The following PPRC1 variants were observed in gnomAD, a reference collection of about 807,000 sequenced individuals.
The protein encoded by PPRC1 is PPARG related coactivator 1.
A neutral mutation model predicts 132.5 loss-of-function variants in PPRC1; 23 were observed. That is an observed-to-expected ratio of 0.17 (90% confidence interval 0.12 to 0.25). The LOEUF (loss-of-function observed/expected upper bound fraction) is 0.25. PPRC1 is among the 10% of genes least tolerant of loss of function. PPRC1 has a pLI of 1.00. For synonymous variants in PPRC1, 872 were observed against 833.5 expected (o/e 1.05, Z -0.80); for missense variants, 2,006 against 2,089.1 (o/e 0.96, Z 0.78).
At chr10:102,128,923 CTTTTT>C (rs1027475920), upstream of PPRC1, among the ~76,000 whole-genome samples, 8 of 75,634 alleles carry the variant, frequency 1.1e-4, no homozygotes, top group Non-Finnish European at 2.0e-4. Context: ...CAGCGGCAGT[CTTTTT>C]TTTTTTTTTT....
upstream of PPRC1, among the ~76,000 whole-genome samples, chr10:102,130,248 C>T (rs2068519379): frequency 6.6e-6 from 1 of 151,538 alleles, no homozygotes; most frequent in Non-Finnish European, 1.5e-5. Flanking sequence ...AACCCCATCT[C>T]TACTAAATAT....
At chr10:102,138,156 C>A in intron 2 of PPRC1, 118 bp downstream of exon 2, 3 of 1,057,832 alleles carry the variant, frequency 2.8e-6, no homozygotes, top group African/African-American at 1.6e-5. Context: ...GGGTGCCCAA[C>A]CTGAATCCTT....
the PPRC1 span, among the ~76,000 whole-genome samples, chr10:102,122,141 C>G: frequency 6.6e-6 from 1 of 152,074 alleles, no homozygotes; most frequent in African/African-American, 2.4e-5. Context: ...GCCATCCACA[C>G]TCACACAAGT....
At position 102,141,500 on chromosome 10, in the gene PPRC1, C is replaced by G; in HGVS notation, c.2992C>G (p.Pro998Ala). The change falls in exon 5 of 14, where the codon CCC (proline) becomes GCC (alanine). Residue 998 changes from proline to alanine, a missense_variant. By Grantham distance (27) the Pro-to-Ala change is conservative. Coordinates refer to ENST00000278070, the MANE Select transcript of PPRC1 (RefSeq NM_015062.5). ...PQHAPFWSTV[P>A]PPPLPPASIG... The stretch of plus-strand genomic sequence containing the variant: ...ACATGCTCCATTCTGGTCTACTGTT[C>G]CCCCACCTCCTTTGCCTCCAGCCTC... 1 of 1,613,782 alleles carries G rather than the reference C, an allele frequency of 6.2e-7. No homozygotes were observed. Among genetic ancestry groups the G allele is most frequent in the South Asian group, 1.1e-5 (1 of 91,058 alleles).
At position 102,141,756 on chromosome 10, in the gene PPRC1, C is replaced by T; in HGVS notation, c.3248C>T (p.Ala1083Val). Residue 1083 changes from alanine (A) to valine (V), a missense_variant, in exon 5 of 14, where the codon GCA becomes GTA. This residue lies in a region of PPRC1 where 1,914 missense variants were observed against 1,917.2 expected (regional missense o/e 1.00). Coordinates refer to ENST00000278070, the MANE Select transcript of PPRC1 (RefSeq NM_015062.5). Reference sequence around the variant, plus strand: ...CAAAGTCCCCAGATGAAGGCTCTAGCATGTGTGTCTGCTGAAGGTGTGACT... The same window carrying T: ...CAAAGTCCCCAGATGAAGGCTCTAGTATGTGTGTCTGCTGAAGGTGTGACT... The part of the protein sequence containing the change: ...LVQSPQMKAL[A>V]CVSAEGVTVE... The T allele has an allele frequency of 6.2e-7, 1 of 1,613,944 alleles. No homozygotes were observed. The highest frequency in any genetic ancestry group is 8.5e-7 in the Non-Finnish European group (1 of 1,179,888).
At position 102,139,869 on chromosome 10, in the gene PPRC1, A is replaced by C; in HGVS notation, c.1361A>C (p.Gln454Pro). The C allele has an allele frequency of 3.1e-6, 5 of 1,614,238 alleles. No homozygotes were observed. In the South Asian group the frequency reaches 5.5e-5, roughly 18 times the overall value. ...CCTGCCAATGCAGCACCAGGTTCCC[A>C]GAGAGCTCGAAAGGGCAGGAAGAAG... ...NPPANAAPGS[Q>P]RARKGRKKKS... The change falls in exon 5 of 14, where the codon CAG becomes CCG. Residue 454 changes from glutamine (Q) to proline (P), a missense_variant. Gln to Pro is a moderately conservative substitution (Grantham distance 76). Around this residue, in one of 2 missense-constraint regions of PPRC1, gnomAD observed 1,914 missense variants for 1,917.2 expected, o/e 1.00. Transcript: ENST00000278070.
In PPRC1 at chr10:102,148,688, T is replaced by A; in HGVS notation, c.4611T>A (p.Arg1537=). ...YQRQRVLQKE[R]AIEERRVVFI... ...GGCAAAGAGTGCTACAAAAGGAGCG[T>A]GCAATAGTGAGTAGAGGAACAGATC... is the stretch of plus-strand genomic sequence containing the variant. Residue 1537 remains arginine, a synonymous_variant, in exon 11 of 14, where the codon CGT becomes CGA. Transcript: ENST00000278070. The surrounding 1 kb of genome is among the most constrained non-coding windows in gnomAD (Gnocchi z 4.2). 1 of 1,614,104 alleles carries A rather than the reference T, an allele frequency of 6.2e-7. No individual in the cohort carries two copies. The highest frequency in any genetic ancestry group is 8.5e-7 in the Non-Finnish European group (1 of 1,180,002).
At chr10:102,138,381 G>C (rs1017226021) in intron 2 of PPRC1, among the ~76,000 whole-genome samples, 3 of 152,184 alleles carry the variant, frequency 2.0e-5, no homozygotes, top group Non-Finnish European at 4.4e-5. Flanking sequence ...TCTTATCTGA[G>C]GGTAGGGGAA....
rs777545017 is a variant in PPRC1 at position 102,140,384 on chromosome 10, C to T, written c.1876C>T (p.Pro626Ser). Residue 626 changes from proline to serine, a missense_variant, in exon 5 of 14, where the codon CCG (proline) becomes TCG (serine). Around this residue, in one of 2 missense-constraint regions of PPRC1, gnomAD observed 1,914 missense variants for 1,917.2 expected, o/e 1.00. Coordinates refer to ENST00000278070, the MANE Select transcript of PPRC1 (RefSeq NM_015062.5). ...STSSELVEPL[P>S]AEPVLINPVL... ...CAGCTCAGAACTGGTTGAGCCTCTCCCGGCTGAGCCAGTGCTGATCAACCC... is the reference window on the plus strand; with the variant it reads ...CAGCTCAGAACTGGTTGAGCCTCTCTCGGCTGAGCCAGTGCTGATCAACCC... 12 of 1,614,164 alleles carry T rather than the reference C, an allele frequency of 7.4e-6. No individual in the cohort carries two copies. The South Asian group carries it at 8.8e-5, about 12-fold the overall frequency.
the PPRC1 span, among the ~76,000 whole-genome samples, chr10:102,123,512 A>T: frequency 6.6e-6 from 1 of 152,250 alleles, no homozygotes; most frequent in African/African-American, 2.4e-5. Flanking sequence ...GTGTGTGGTA[A>T]AATTCACATA....
rs565187083 is a variant in PPRC1, at chr10:102,144,630, G to A, written c.3608+323G>A. On this transcript the variant is annotated intron_variant, in intron 7 of 13. Transcript: ENST00000278070. ...TAACACTTCAAGTTTGCTCAGTGCT[G>A]GTAATGGTGTAACTTAAAGTGGAGG... is the stretch of plus-strand genomic sequence containing the variant. 30 of 481,888 alleles carry A rather than the reference G, an allele frequency of 6.2e-5. No homozygotes were observed. The East Asian group carries it at 1.1e-3, about 18-fold the overall frequency. The allele number at this position is 481,888 out of a possible 1,614,324, so 29.9% of individuals were successfully genotyped here.
Position 102,149,226 on chromosome 10 carries a change from A to G in PPRC1, c.4788A>G (p.Ala1596=), listed in dbSNP as rs113506045. 2.5e-4 allele frequency: 403 copies of G among 1,611,162 alleles called. No individual in the cohort carries two copies. The African/African-American group carries it at 4.8e-3, about 19-fold the overall frequency. The part of the protein sequence containing the change: ...VTYRYAEEAF[A]AIESGHKLRQ... ...ATCGCTATGCTGAGGAGGCATTTGC[A>G]GCCATTGAGAGTGGCCACAAGCTGC... The change falls in exon 13 of 14, where the codon GCA becomes GCG. Residue 1596 remains alanine (A), a synonymous_variant. Coordinates refer to ENST00000278070, the MANE Select transcript of PPRC1 (RefSeq NM_015062.5).
intron 6 of PPRC1, 128 bp downstream of exon 6, chr10:102,143,226 AAG>A: frequency 3.8e-6 from 3 of 792,446 alleles, no homozygotes; most frequent in Non-Finnish European, 6.1e-6. Context: ...CCCTAATTGG[AAG>A]AGAGAGACAA....
the PPRC1 span, among the ~76,000 whole-genome samples, chr10:102,120,663 G>A: frequency 6.6e-6 from 1 of 152,150 alleles, no homozygotes; most frequent in South Asian, 2.1e-4. Context: ...TGCATGTGAC[G>A]CAGCTTTTAA....
upstream of PPRC1, among the ~76,000 whole-genome samples, chr10:102,131,599 T>C (rs925867402): frequency 1.3e-5 from 2 of 152,202 alleles, no homozygotes; most frequent in Non-Finnish European, 2.9e-5. Flanking sequence ...TACATGTACA[T>C]GACATATGCA....
chr10:102,126,893 T>A, the PPRC1 span, among the ~76,000 whole-genome samples: 1 of 151,538 alleles, frequency 6.6e-6, no homozygotes, highest in African/African-American at 2.4e-5. Flanking sequence ...CATCAGTCAT[T>A]TTTCTGCCAA....
Position 102,141,179 on chromosome 10 carries a change from A to G in PPRC1, c.2671A>G (p.Ser891Gly). 1 of 1,612,972 alleles carries G rather than the reference A, an allele frequency of 6.2e-7. No homozygotes were observed. The highest frequency in any genetic ancestry group is 1.1e-5 in the South Asian group (1 of 91,028). ...FPAGGLGMPP[S>G]LPPPPLQPPS... is the part of the protein sequence containing the mutation. ...TGCAGGTGGGCTTGGCATGCCCCCC[A>G]GTCTGCCCCCACCTCCCTTGCAGCC... The change falls in exon 5 of 14, where the codon AGT becomes GGT. Residue 891 changes from serine (S) to glycine (G), a missense_variant. Coordinates refer to ENST00000278070, the MANE Select transcript of PPRC1 (RefSeq NM_015062.5).
At position 102,141,505 on chromosome 10, in the gene PPRC1, A is replaced by G. The variant is rs762511585; in HGVS notation, c.2997A>G (p.Pro999=). Residue 999 remains proline, a synonymous_variant, in exon 5 of 14, where the codon CCA becomes CCG. Transcript: ENST00000278070. Reference sequence around the variant, plus strand: ...CTCCATTCTGGTCTACTGTTCCCCCACCTCCTTTGCCTCCAGCCTCCATTG... The same window carrying G: ...CTCCATTCTGGTCTACTGTTCCCCCGCCTCCTTTGCCTCCAGCCTCCATTG... ...QHAPFWSTVP[P]PPLPPASIGR... is the part of the protein sequence containing the mutation. 1 of 1,613,178 alleles carries G rather than the reference A, an allele frequency of 6.2e-7. No individual in the cohort carries two copies. Among genetic ancestry groups the G allele is most frequent in the South Asian group, 1.1e-5 (1 of 91,012 alleles).
chr10:102,149,428 T>C, intron 13 of PPRC1, 99 bp downstream of exon 13: 2 of 1,354,376 alleles, frequency 1.5e-6, no homozygotes, highest in South Asian at 1.9e-5. Flanking sequence ...TTACCTTAGT[T>C]TGACATACAA....
Sources: allele counts gnomAD v4.1 joint callset (sites outside exome capture counted in the v4.1 genomes callset), GRCh38; gene constraint gnomAD v4.1.1; regional missense constraint gnomAD v4.1.1; non-coding constraint Gnocchi (gnomAD v3.1); transcripts MANE v1.5; gene names NCBI Gene and HGNC (gene_info 2026-07-23, HGNC 2026-07-21).